COL25A1: variants seen among roughly 807,000 people sequenced by gnomAD.
The protein encoded by COL25A1 is collagen alpha-1(XXV) chain.
In COL25A1, 103 loss-of-function variants were observed where a neutral mutation model predicts 128.4. The observed-to-expected ratio is 0.80, with a 90% CI of 0.68 to 0.94. The LOEUF is 0.94. Ranked by LOEUF, COL25A1 falls within the 40% of genes least tolerant of loss-of-function variation. The probability of loss-of-function intolerance (pLI) is 0.00; values close to 1 mark genes in which losing one functional copy is unlikely to be tolerated. For synonymous variants in COL25A1, 279 were observed against 277.2 expected (o/e 1.01, Z -0.06); for missense variants, 745 against 840.0 (o/e 0.89, Z 1.40).
intron 35 of COL25A1, among the ~76,000 whole-genome samples, chr4:108,822,043 ATTT>A (rs10567518): frequency 0.48 from 44,396 of 92,296 alleles, 9,346 homozygotes; most frequent in Middle Eastern, 0.58. Context: ...CCTAATGGTA[ATTT>A]TTTTTTTTTT....
At chr4:108,835,560 C>CT (rs34954194) in intron 31 of COL25A1, among the ~76,000 whole-genome samples, 21,410 of 147,838 alleles carry the variant, frequency 0.14, 1,693 homozygotes, top group East Asian at 0.34. Flanking sequence ...TACATACATT[C>CT]TTTTTTTTTT....
intron 3 of COL25A1, among the ~76,000 whole-genome samples, chr4:109,125,830 G>A (rs1214646926): frequency 1.3e-5 from 2 of 152,070 alleles, no homozygotes; most frequent in African/African-American, 4.8e-5. Context: ...AGAGTGACAT[G>A]ATTTCAACAT....
chr4:108,838,300 G>A (rs979208260), intron 31 of COL25A1: 2 of 678,396 alleles, frequency 2.9e-6, no homozygotes, highest in African/African-American at 3.6e-5. Flanking sequence ...AGTCAGGCTA[G>A]ATTTGTCTTG....
chr4:109,234,309 A>G (rs1006491441), intron 3 of COL25A1, among the ~76,000 whole-genome samples: 16 of 152,162 alleles, frequency 1.1e-4, no homozygotes, highest in African/African-American at 3.6e-4. Flanking sequence ...CCCCTTTTCT[A>G]ACATTATTCT....
chr4:109,085,468 A>G (rs1764268274), intron 3 of COL25A1, among the ~76,000 whole-genome samples: 1 of 152,062 alleles, frequency 6.6e-6, no homozygotes, highest in Admixed American at 6.6e-5. Flanking sequence ...ATTTAGGTCA[A>G]TTTCATTCAC....
chr4:109,087,152 T>C (rs912878840), intron 3 of COL25A1, among the ~76,000 whole-genome samples: 7 of 151,860 alleles, frequency 4.6e-5, no homozygotes, highest in African/African-American at 1.7e-4. Context: ...GAAGCAACAT[T>C]CAAGTAATCC....
chr4:108,916,876 G>A (rs1744940667), intron 13 of COL25A1, among the ~76,000 whole-genome samples: 1 of 152,112 alleles, frequency 6.6e-6, no homozygotes, highest in African/African-American at 2.4e-5. Flanking sequence ...TGGACTAAAG[G>A]ACACCATAAG....
intron 26 of COL25A1, among the ~76,000 whole-genome samples, chr4:108,849,464 T>C (rs1044281118): frequency 3.3e-5 from 5 of 152,212 alleles, no homozygotes; most frequent in African/African-American, 1.2e-4. Flanking sequence ...ATAAGGATTT[T>C]TGACAAACTC....
At chr4:109,097,717 G>A (rs1374322880) in intron 3 of COL25A1, among the ~76,000 whole-genome samples, 3 of 144,672 alleles carry the variant, frequency 2.1e-5, no homozygotes, top group African/African-American at 7.8e-5. Flanking sequence ...AGGCTGGAGT[G>A]CAGTGGCGCG....
intron 8 of COL25A1, among the ~76,000 whole-genome samples, chr4:108,941,803 C>T (rs1314225961): frequency 2.0e-5 from 3 of 152,280 alleles, no homozygotes; most frequent in East Asian, 3.9e-4. Context: ...GTTCCATTTC[C>T]GTCAGACTTG....
intron 8 of COL25A1, among the ~76,000 whole-genome samples, chr4:108,969,375 T>A (rs1751666561): frequency 6.6e-6 from 1 of 152,146 alleles, no homozygotes; most frequent in South Asian, 2.1e-4. Context: ...GATGCAATGG[T>A]TGGACTTGAA....
rs1384525495 is a variant in COL25A1, at chr4:109,127,675, A to T, written c.368-77496T>A. On this transcript the variant is annotated intron_variant, in intron 3 of 37. Transcript: ENST00000399132. ...TAGATTCCACGTTAGTAAAGGAGAA[A>T]AAAAAGAAGAAAAACCAAACTCGAG... is the stretch of plus-strand genomic sequence containing the variant. Among the ~76,000 whole-genome samples the T allele has an allele frequency of 2.6e-5, 4 of 152,080 alleles. No homozygotes were observed. In the East Asian group the frequency reaches 7.7e-4, roughly 29 times the overall value.
chr4:108,884,333 A>T, intron 18 of COL25A1, 111 bp from the exon 19 acceptor site: 1 of 990,974 alleles, frequency 1.0e-6, no homozygotes, highest in South Asian at 1.6e-5. Flanking sequence ...AGATAAATAA[A>T]AAAACCGTCT....
chr4:109,246,016 C>CAAAAAAAAA (rs772260651), intron 3 of COL25A1, among the ~76,000 whole-genome samples: 6 of 65,666 alleles, frequency 9.1e-5, no homozygotes, highest in African/African-American at 3.0e-4. Flanking sequence ...TGTTAAAAAG[C>CAAAAAAAAA]AAAAAAAAAA....
At chr4:109,061,308 G>C (rs1272478488) in intron 3 of COL25A1, among the ~76,000 whole-genome samples, 2 of 152,066 alleles carry the variant, frequency 1.3e-5, no homozygotes, top group Non-Finnish European at 2.9e-5. Context: ...TTCTTGTTGT[G>C]ATAGAAATTC....
chr4:109,046,559 G>T (rs1352982544), intron 5 of COL25A1, among the ~76,000 whole-genome samples: 1 of 152,200 alleles, frequency 6.6e-6, no homozygotes, highest in East Asian at 1.9e-4. Context: ...TTAACATGAA[G>T]AGACTTAAGT....
chr4:108,887,479 T>C lies in COL25A1; in HGVS notation c.975+1742A>G, dbSNP rs1312164879. 2.6e-5 allele frequency among the ~76,000 whole-genome samples: 4 copies of C among 152,194 alleles called. No homozygotes were observed. In the South Asian group the frequency reaches 8.3e-4, roughly 31 times the overall value. ...ATATTAGACAAAGGAAGTCATAATA[T>C]TGTGGGAAAGTGGGATTGTATCAAA... is the stretch of plus-strand genomic sequence containing the variant. On this transcript the variant is annotated intron_variant, in intron 18 of 37. Transcript: ENST00000399132.
chr4:108,910,741 T>C (rs1378221419), intron 13 of COL25A1, among the ~76,000 whole-genome samples: 1 of 152,212 alleles, frequency 6.6e-6, no homozygotes, highest in African/African-American at 2.4e-5. Flanking sequence ...ATGGAGATAA[T>C]CATAGTGCCT....
At chr4:108,943,816 CT>C (rs1248187013) in intron 8 of COL25A1, among the ~76,000 whole-genome samples, 1 of 116,226 alleles carries the variant, frequency 8.6e-6, no homozygotes, top group African/African-American at 3.9e-5. Context: ...CCTTTTATTC[CT>C]TTTTTTCAAA....
Sources: allele counts gnomAD v4.1 joint callset (sites outside exome capture counted in the v4.1 genomes callset), GRCh38; gene constraint gnomAD v4.1.1; transcripts MANE v1.5; gene names NCBI Gene and HGNC (gene_info 2026-07-23, HGNC 2026-07-21).